The following PRORP variants were observed in gnomAD, a reference collection of about 807,000 sequenced individuals.
PRORP encodes the protein protein only RNase P catalytic subunit.
PRORP carries 51 observed loss-of-function variants against 59.4 expected under a neutral mutation model. That is an observed-to-expected ratio of 0.86 (90% CI 0.69 to 1.08). The LOEUF is 1.08. PRORP is among the 50% of genes least tolerant of loss of function. The probability of loss-of-function intolerance (pLI) is 0.00; values close to 1 mark genes in which losing one functional copy is unlikely to be tolerated. For missense variants in PRORP, 646 were observed against 690.3 expected, an observed-to-expected ratio of 0.94 and a Z score of 0.72; for synonymous variants, 231 against 245.6, an observed-to-expected ratio of 0.94 and a Z score of 0.55.
chr14:35,140,173 G>C (rs1389770904), intron 4 of PRORP, among the ~76,000 whole-genome samples: 2 of 143,660 alleles, frequency 1.4e-5, no homozygotes, highest in African/African-American at 4.9e-5. Flanking sequence ...TTTTTCTCTT[G>C]GGTAACTCTC....
intron 4 of PRORP, among the ~76,000 whole-genome samples, chr14:35,164,506 G>C (rs539916246): frequency 6.6e-6 from 1 of 152,304 alleles, no homozygotes; most frequent in African/African-American, 2.4e-5. Flanking sequence ...GGAGCCGGAC[G>C]CCATAATCCT....
At chr14:35,220,979 AC>A (rs1262057884) in intron 5 of PRORP, among the ~76,000 whole-genome samples, 3 of 152,198 alleles carry the variant, frequency 2.0e-5, no homozygotes, top group African/African-American at 7.2e-5. Flanking sequence ...AGTGTTAAAG[AC>A]CTGAAGATCA....
chr14:35,170,186 G>A lies in PRORP; in HGVS notation c.1168-10484G>A, dbSNP rs116302904. Among the ~76,000 whole-genome samples the A allele has an allele frequency of 5.3e-3, 800 of 152,004 alleles. 8 individuals carry two copies. The highest frequency in any genetic ancestry group is 0.018 in the African/African-American group (759 of 41,438). The stretch of plus-strand genomic sequence containing the variant: ...CTACTTTTCACTTTCCCCTTATTCT[G>A]TATTAAAGATAAGTACATCTATTAT... On this transcript the variant is annotated intron_variant, in intron 4 of 7. Coordinates refer to ENST00000534898, the MANE Select transcript of PRORP (RefSeq NM_014672.4).
At chr14:35,211,023 T>C (rs1227241887) in intron 5 of PRORP, among the ~76,000 whole-genome samples, 2 of 152,074 alleles carry the variant, frequency 1.3e-5, no homozygotes, top group East Asian at 3.8e-4. Context: ...TCCTTCCAGC[T>C]CAGCCTCCCA....
At chr14:35,133,549 T>C (rs1348606241) in intron 4 of PRORP, among the ~76,000 whole-genome samples, 3 of 152,230 alleles carry the variant, frequency 2.0e-5, no homozygotes, top group Admixed American at 6.5e-5. Flanking sequence ...CCTGTTTTCC[T>C]GGATGGTCTT....
intron 5 of PRORP, among the ~76,000 whole-genome samples, chr14:35,188,796 T>C (rs1357800307): frequency 6.6e-6 from 1 of 151,726 alleles, no homozygotes; most frequent in Non-Finnish European, 1.5e-5. Context: ...GCCAACATGG[T>C]GAAACTCTGT....
At chr14:35,154,252 AGT>A (rs2047855179) in intron 4 of PRORP, among the ~76,000 whole-genome samples, 1 of 152,214 alleles carries the variant, frequency 6.6e-6, no homozygotes, top group East Asian at 1.9e-4. Flanking sequence ...AAAAGTGCAG[AGT>A]CTGTATGTAG....
chr14:35,122,124 T>TG, upstream of PRORP: 1 of 630,608 alleles, frequency 1.6e-6, no homozygotes, highest in Non-Finnish European at 2.8e-6. Context: ...AAACAATTAC[T>TG]GTCACTGCCG....
chr14:35,180,684 T>G lies in PRORP; in HGVS notation c.1182T>G (p.Phe394Leu). Residue 394 changes from phenylalanine to leucine, a missense_variant, in exon 5 of 8, where the codon TTT becomes TTG. Transcript: ENST00000534898. ...RKTTPQELKR[F>L]ENFIKSRPPF... ...TTCTTTATTAGGAACTTAAGAGATT[T>G]GAGAACTTCATAAAATCTCGTCCTC... The G allele has an allele frequency of 6.2e-7, 1 of 1,607,928 alleles. No individual in the cohort carries two copies. Among genetic ancestry groups the G allele is most frequent in the Non-Finnish European group, 8.5e-7 (1 of 1,174,828 alleles).
chr14:35,133,570 C>G (rs2047302792), intron 4 of PRORP, among the ~76,000 whole-genome samples: 1 of 152,120 alleles, frequency 6.6e-6, no homozygotes, highest in Admixed American at 6.6e-5. Context: ...GATACCATGT[C>G]TGGGCATTGA....
At chr14:35,147,470 G>A (rs1245708085) in intron 4 of PRORP, among the ~76,000 whole-genome samples, 2 of 152,056 alleles carry the variant, frequency 1.3e-5, no homozygotes, top group African/African-American at 4.8e-5. Flanking sequence ...AGCCTCCTGA[G>A]TAGCTACAAC....
intron 4 of PRORP, among the ~76,000 whole-genome samples, chr14:35,129,278 G>C (rs2047176277): frequency 6.6e-6 from 1 of 151,902 alleles, no homozygotes; most frequent in Non-Finnish European, 1.5e-5. Context: ...GGCACTTATA[G>C]CTGCTTTTGT....
At chr14:35,226,704 A>G (rs1171550083) in intron 5 of PRORP, among the ~76,000 whole-genome samples, 2 of 152,140 alleles carry the variant, frequency 1.3e-5, no homozygotes, top group Non-Finnish European at 1.5e-5. Context: ...TTGAAAATAG[A>G]TGGTTAAACA....
At chr14:35,183,382 A>T (rs1475489014) in intron 5 of PRORP, among the ~76,000 whole-genome samples, 4 of 152,148 alleles carry the variant, frequency 2.6e-5, no homozygotes, top group Admixed American at 2.6e-4. Flanking sequence ...TAAAAATTTT[A>T]AAAATATCAG....
intron 2 of PRORP, among the ~76,000 whole-genome samples, chr14:35,124,959 C>T (rs1463684703): frequency 6.6e-6 from 1 of 151,016 alleles, no homozygotes; most frequent in East Asian, 1.9e-4. Flanking sequence ...CCTTTGCCTC[C>T]CGGGTTTTCT....
At chr14:35,169,155 T>C (rs1269381206) in intron 4 of PRORP, among the ~76,000 whole-genome samples, 1 of 152,110 alleles carries the variant, frequency 6.6e-6, no homozygotes, top group Non-Finnish European at 1.5e-5. Context: ...CTGCATCCCA[T>C]GAATTTTGAT....
chr14:35,263,039 T>G (rs2050944674), intron 5 of PRORP: 1 of 1,561,862 alleles, frequency 6.4e-7, no homozygotes, highest in Non-Finnish European at 8.7e-7. Flanking sequence ...ATGAATAAGA[T>G]CTAAGAGTTG....
At chr14:35,135,690 T>C (rs1049212400) in intron 4 of PRORP, among the ~76,000 whole-genome samples, 42 of 152,172 alleles carry the variant, frequency 2.8e-4, no homozygotes, top group African/African-American at 1.0e-3. Context: ...CCGGGCATAG[T>C]GGCTTATGCC....
chr14:35,163,881 T>C lies in PRORP; in HGVS notation c.1168-16789T>C, dbSNP rs187816283. On this transcript the variant is annotated intron_variant, in intron 4 of 7. Coordinates refer to ENST00000534898, the MANE Select transcript of PRORP (RefSeq NM_014672.4). ...AAGAAGGGTATTTCCTAGGTTTTCT[T>C]CTAGGATTTTTATAGTTTGAGGGTA... Among the ~76,000 whole-genome samples the C allele has an allele frequency of 4.3e-3, 657 of 152,358 alleles. 6 individuals carry two copies. The highest frequency in any genetic ancestry group is 0.015 in the African/African-American group (636 of 41,574).
Sources: allele counts gnomAD v4.1 joint callset (sites outside exome capture counted in the v4.1 genomes callset), GRCh38; gene constraint gnomAD v4.1.1; transcripts MANE v1.5; gene names NCBI Gene and HGNC (gene_info 2026-07-23, HGNC 2026-07-21).